SRBD1: variants seen among roughly 807,000 people sequenced by gnomAD.
SRBD1 encodes the protein S1 RNA binding domain 1.
In SRBD1, 88 loss-of-function variants were observed where a neutral mutation model predicts 115.3. That is an observed-to-expected ratio of 0.76 (90% CI 0.64 to 0.91). The LOEUF (loss-of-function observed/expected upper bound fraction) is 0.91. SRBD1 is among the 40% of genes least tolerant of loss of function. The pLI is 0.00. For missense variants in SRBD1, 1,385 were observed against 1,177.4 expected (o/e 1.18, Z -2.58); for synonymous variants, 509 against 407.7 (o/e 1.25, Z -2.99).
intron 14 of SRBD1, among the ~76,000 whole-genome samples, chr2:45,492,721 A>T (rs968278004): frequency 2.6e-5 from 4 of 151,894 alleles, no homozygotes; most frequent in African/African-American, 9.6e-5. Flanking sequence ...TTACAGGCGC[A>T]AGCCACTGCG....
chr2:45,601,381 C>T lies in SRBD1; in HGVS notation c.261+522G>A, dbSNP rs545048121. ...TTTAAACTATTAAATATTAAACCAG[C>T]ACTCTGGTTGTATTTATCTCTCTTG... On this transcript the variant is annotated intron_variant, in intron 3 of 20. Coordinates refer to ENST00000263736, the MANE Select transcript of SRBD1 (RefSeq NM_018079.5). 3.4e-4 allele frequency among the ~76,000 whole-genome samples: 52 copies of T among 152,352 alleles called. No homozygotes were observed. The South Asian group carries it at 0.011, about 31-fold the overall frequency.
intron 16 of SRBD1, among the ~76,000 whole-genome samples, chr2:45,475,841 G>C (rs1669788189): frequency 6.6e-6 from 1 of 152,226 alleles, no homozygotes; most frequent in Non-Finnish European, 1.5e-5. Flanking sequence ...TGGGACTACA[G>C]GTGCGCGCCA....
chr2:45,564,242 A>G (rs1480437565), intron 9 of SRBD1, among the ~76,000 whole-genome samples: 1 of 151,986 alleles, frequency 6.6e-6, no homozygotes, highest in Non-Finnish European at 1.5e-5. Context: ...AAAATCAGGT[A>G]GCCCTTCATG....
At chr2:45,456,122 A>G (rs1399950960) in intron 16 of SRBD1, among the ~76,000 whole-genome samples, 1 of 151,954 alleles carries the variant, frequency 6.6e-6, no homozygotes, top group African/African-American at 2.4e-5. Context: ...CCAGAATATA[A>G]AAAGCAGTGG....
At chr2:45,583,872 T>C (rs1673438827) in intron 5 of SRBD1, among the ~76,000 whole-genome samples, 1 of 152,214 alleles carries the variant, frequency 6.6e-6, no homozygotes, top group Admixed American at 6.5e-5. Flanking sequence ...CCCCTATTCA[T>C]AGAAACCCAG....
chr2:45,496,258 T>C (rs545215792), intron 14 of SRBD1, among the ~76,000 whole-genome samples: 1 of 152,344 alleles, frequency 6.6e-6, no homozygotes, highest in East Asian at 1.9e-4. Context: ...TGCTATGGCA[T>C]AGATTTTTTA....
intron 14 of SRBD1, among the ~76,000 whole-genome samples, chr2:45,517,666 A>G (rs1162535388): frequency 1.3e-5 from 2 of 152,100 alleles, no homozygotes; most frequent in Admixed American, 1.3e-4. Flanking sequence ...ATTTTTTTCT[A>G]TGTACAAGAG....
chr2:45,534,081 G>T (rs991165930), intron 14 of SRBD1, among the ~76,000 whole-genome samples: 1 of 151,990 alleles, frequency 6.6e-6, no homozygotes, highest in Non-Finnish European at 1.5e-5. Context: ...AAACACATGG[G>T]TTACAAAACT....
At chr2:45,434,900 C>T (rs893868976) in intron 16 of SRBD1, among the ~76,000 whole-genome samples, 5 of 151,928 alleles carry the variant, frequency 3.3e-5, no homozygotes, top group Admixed American at 1.3e-4. Flanking sequence ...AGGTATTTCT[C>T]CTAATGCTAT....
intron 4 of SRBD1, among the ~76,000 whole-genome samples, chr2:45,592,208 C>G (rs1673748492): frequency 6.6e-6 from 1 of 152,176 alleles, no homozygotes; most frequent in Non-Finnish European, 1.5e-5. Context: ...TCCAATTAAA[C>G]CACTTTTTCT....
At chr2:45,457,569 A>G (rs538934099) in intron 16 of SRBD1, among the ~76,000 whole-genome samples, 21 of 152,194 alleles carry the variant, frequency 1.4e-4, no homozygotes, top group Admixed American at 3.3e-4. Context: ...ATTTTAAGAT[A>G]AAGAAACAAA....
intron 4 of SRBD1, among the ~76,000 whole-genome samples, chr2:45,598,723 G>T (rs1041503117): frequency 1.3e-5 from 2 of 152,144 alleles, no homozygotes; most frequent in Non-Finnish European, 2.9e-5. Context: ...TCCAGCAGAG[G>T]CCCTCAGCTC....
chr2:45,467,918 C>T (rs975724250), intron 16 of SRBD1, among the ~76,000 whole-genome samples: 6 of 152,084 alleles, frequency 3.9e-5, no homozygotes, highest in Non-Finnish European at 5.9e-5. Context: ...AGCATTTGAC[C>T]AAGCTTTCCT....
chr2:45,480,865 A>G (rs997220513), intron 15 of SRBD1, among the ~76,000 whole-genome samples: 1 of 152,174 alleles, frequency 6.6e-6, no homozygotes, highest in Non-Finnish European at 1.5e-5. Context: ...AATTTTAAAT[A>G]AAGTTCTACT....
At chr2:45,596,914 C>T (rs1572822955) in intron 4 of SRBD1, among the ~76,000 whole-genome samples, 2 of 136,864 alleles carry the variant, frequency 1.5e-5, no homozygotes, top group South Asian at 4.7e-4. Context: ...TCAGAGAACA[C>T]CCCCCCACAA....
intron 9 of SRBD1, among the ~76,000 whole-genome samples, chr2:45,564,645 C>A (rs946225933): frequency 4.6e-5 from 7 of 151,918 alleles, no homozygotes; most frequent in African/African-American, 1.7e-4. Context: ...TTTATGATAC[C>A]ACCAAAAGGA....
intron 16 of SRBD1, among the ~76,000 whole-genome samples, chr2:45,460,201 C>T (rs1669272028): frequency 6.6e-6 from 1 of 152,198 alleles, no homozygotes; most frequent in South Asian, 2.1e-4. Flanking sequence ...CTTCTGCATT[C>T]TGCTGCCATC....
chr2:45,484,527 A>G (rs1224582210), intron 15 of SRBD1, among the ~76,000 whole-genome samples: 2 of 152,204 alleles, frequency 1.3e-5, no homozygotes, highest in African/African-American at 2.4e-5. Context: ...CAAAGGTAGT[A>G]AAAAGATAGT....
intron 14 of SRBD1, among the ~76,000 whole-genome samples, chr2:45,498,832 T>C (rs533283888): frequency 2.0e-5 from 3 of 152,314 alleles, no homozygotes; most frequent in South Asian, 2.1e-4. Flanking sequence ...GTTTCATTCT[T>C]TTTTTATGGT....
Sources: allele counts gnomAD v4.1 joint callset (sites outside exome capture counted in the v4.1 genomes callset), GRCh38; gene constraint gnomAD v4.1.1; transcripts MANE v1.5; gene names NCBI Gene and HGNC (gene_info 2026-07-23, HGNC 2026-07-21).